The following RORA variants were observed in gnomAD, a reference collection of about 807,000 sequenced individuals.
RORA encodes the protein RAR related orphan receptor A, also known as nuclear receptor ROR-alpha.
RORA carries 7 observed loss-of-function variants against 69.5 expected under a neutral mutation model. That is an observed-to-expected ratio of 0.10 (90% confidence interval 0.06 to 0.19). RORA has a LOEUF of 0.19. RORA is among the 10% of genes least tolerant of loss of function. The pLI is 1.00. For missense variants in RORA, 457 were observed against 663.0 expected, an observed-to-expected ratio of 0.69 and a Z score of 3.41; for synonymous variants, 261 against 240.8, an observed-to-expected ratio of 1.08 and a Z score of -0.78.
chr15:61,026,742 G>A (rs1219024026), intron 1 of RORA, among the ~76,000 whole-genome samples: 2 of 152,158 alleles, frequency 1.3e-5, no homozygotes, highest in Non-Finnish European at 2.9e-5. Context: ...GCTGCCAAAT[G>A]CATCCTTTGC....
intron 2 of RORA, chr15:60,592,753 C>T: frequency 3.8e-6 from 4 of 1,052,166 alleles, no homozygotes; most frequent in Non-Finnish European, 3.6e-6. Flanking sequence ...GGCCTGCCCT[C>T]CCGCGCCCCG....
intron 1 of RORA, among the ~76,000 whole-genome samples, chr15:61,192,963 A>G (rs2140917272): frequency 6.6e-6 from 1 of 152,028 alleles, no homozygotes; most frequent in East Asian, 2.0e-4. Flanking sequence ...TGCTATTCCT[A>G]TTATCTTATA....
At chr15:60,910,383 A>G (rs1485037329) in intron 1 of RORA, among the ~76,000 whole-genome samples, 2 of 152,374 alleles carry the variant, frequency 1.3e-5, no homozygotes, top group African/African-American at 2.4e-5. Flanking sequence ...TCACTTAGCC[A>G]CTACTGTTTT....
At chr15:61,195,010 T>A (rs2140919841) in intron 1 of RORA, among the ~76,000 whole-genome samples, 1 of 151,932 alleles carries the variant, frequency 6.6e-6, no homozygotes, top group Middle Eastern at 3.4e-3. Context: ...TTAATAATAA[T>A]AATATTGTTA....
intron 1 of RORA, among the ~76,000 whole-genome samples, chr15:60,832,802 G>A (rs752311528): frequency 2.6e-5 from 4 of 152,166 alleles, no homozygotes; most frequent in Admixed American, 6.5e-5. Context: ...GAAGTCCGAG[G>A]CTTTACCTGG....
intron 1 of RORA, chr15:60,764,198 C>A (rs149957004): frequency 1.3e-5 from 2 of 151,882 alleles, no homozygotes; most frequent in Non-Finnish European, 2.9e-5. Context: ...GCCTTTGATG[C>A]GGCAACATCT....
intron 1 of RORA, among the ~76,000 whole-genome samples, chr15:60,757,388 C>T (rs1191412256): frequency 6.6e-6 from 1 of 152,210 alleles, no homozygotes; most frequent in East Asian, 1.9e-4. Flanking sequence ...CCAGTCCTGT[C>T]TTCCCCTCAA....
In RORA at chr15:60,502,800, A is replaced by G. The variant is rs759819894; in HGVS notation, c.1143T>C (p.Phe381=). The change falls in exon 8 of 11, where the codon TTT becomes TTC. Residue 381 remains phenylalanine, a synonymous_variant. Coordinates refer to ENST00000335670, the MANE Select transcript of RORA (RefSeq NM_134261.3). ...AFDSQNNTVY[F]DGKYASPDVF... ...CGTCGGGGCTGGCATACTTCCCATC[A>G]AAGTACACGGTGTTGTTCTGAGAGT... 13 of 1,613,926 alleles carry G rather than the reference A, an allele frequency of 8.1e-6. No individual in the cohort carries two copies. The African/African-American group carries it at 1.2e-4, about 15-fold the overall frequency.
At position 61,229,110 on chromosome 15, in the gene RORA, G is replaced by C. The variant is rs747629565; in HGVS notation, c.109C>G (p.Arg37Gly). ...ACCGGGGCAGGCGGCTCGCTCTTGC[G>C]GGCGGATTCCTGGTTCAGCGGGGTC... ...RETPLNQESA[R>G]KSEPPAPVRR... is the part of the protein sequence containing the mutation. The change falls in exon 1 of 11, where the codon CGC becomes GGC. Residue 37 changes from arginine (R) to glycine (G), a missense_variant. By Grantham distance (125) the Arg-to-Gly change is moderately radical (BLOSUM62 -2). Coordinates refer to ENST00000335670, the MANE Select transcript of RORA (RefSeq NM_134261.3). The C allele has an allele frequency of 6.5e-7, 1 of 1,540,668 alleles. No homozygotes were observed. The highest frequency in any genetic ancestry group is 1.2e-5 in the South Asian group (1 of 83,750).
chr15:61,120,451 G>T (rs1383029610), intron 1 of RORA, among the ~76,000 whole-genome samples: 1 of 152,040 alleles, frequency 6.6e-6, no homozygotes, highest in South Asian at 2.1e-4. Context: ...TGTAATCCCA[G>T]CACTTTGGGA....
chr15:60,972,632 C>T (rs543753566), intron 1 of RORA, among the ~76,000 whole-genome samples: 2 of 152,234 alleles, frequency 1.3e-5, no homozygotes, highest in African/African-American at 4.8e-5. Context: ...AAAAATGCCT[C>T]GTGGTGTTTA....
chr15:60,733,339 G>A (rs1051794817), intron 1 of RORA, among the ~76,000 whole-genome samples: 1 of 152,160 alleles, frequency 6.6e-6, no homozygotes, highest in African/African-American at 2.4e-5. Context: ...GGACACAAAT[G>A]CCAATCTTAC....
chr15:60,594,379 C>G (rs1396146272), intron 2 of RORA, among the ~76,000 whole-genome samples: 1 of 152,228 alleles, frequency 6.6e-6, no homozygotes, highest in Non-Finnish European at 1.5e-5. Flanking sequence ...ATCCTATAAG[C>G]AGGTCCCAGG....
intron 1 of RORA, chr15:60,764,864 C>T (rs539029427): frequency 6.6e-6 from 1 of 152,142 alleles, no homozygotes; most frequent in Middle Eastern, 3.4e-3. Context: ...AATGCCTTGT[C>T]ATTTAAGAAA....
At chr15:60,649,622 T>C (rs1457119914) in intron 2 of RORA, among the ~76,000 whole-genome samples, 1 of 152,194 alleles carries the variant, frequency 6.6e-6, no homozygotes, top group Non-Finnish European at 1.5e-5. Flanking sequence ...GCCCCTCTAC[T>C]GCTATCTTCT....
chr15:61,074,186 C>T (rs550370793), intron 1 of RORA, among the ~76,000 whole-genome samples: 2 of 152,290 alleles, frequency 1.3e-5, no homozygotes, highest in East Asian at 1.9e-4. Flanking sequence ...CCCTTGTGAA[C>T]GCTTGAGAGG....
intron 1 of RORA, among the ~76,000 whole-genome samples, chr15:60,971,921 A>G (rs997050724): frequency 1.1e-4 from 16 of 152,264 alleles, no homozygotes; most frequent in Middle Eastern, 6.8e-3. Context: ...AGTGGTTCCC[A>G]AGCTGCATTC....
At chr15:60,677,243 A>G in intron 2 of RORA, 1 of 455,560 alleles carries the variant, frequency 2.2e-6, no homozygotes, top group Non-Finnish European at 4.4e-6. Flanking sequence ...CTGCGGATAT[A>G]CAGAGGACTT....
At chr15:61,207,059 T>C (rs2140932963) in intron 1 of RORA, among the ~76,000 whole-genome samples, 1 of 150,406 alleles carries the variant, frequency 6.6e-6, no homozygotes, top group East Asian at 1.9e-4. Flanking sequence ...GTTAGAAGAA[T>C]ATGTGTCTGT....
Sources: allele counts gnomAD v4.1 joint callset (sites outside exome capture counted in the v4.1 genomes callset), GRCh38; gene constraint gnomAD v4.1.1; transcripts MANE v1.5; gene names NCBI Gene and HGNC (gene_info 2026-07-23, HGNC 2026-07-21).